SGCD: variants seen among roughly 807,000 people sequenced by gnomAD.
The protein encoded by SGCD is delta-sarcoglycan.
A neutral mutation model predicts 36.6 loss-of-function variants in SGCD; 18 were observed. The observed-to-expected ratio is 0.49, with a 90% CI of 0.34 to 0.73. The LOEUF (loss-of-function observed/expected upper bound fraction) is 0.73. SGCD is among the 30% of genes least tolerant of loss of function. The pLI is 0.01. For synonymous variants in SGCD, 133 were observed against 130.6 expected (o/e 1.02, Z -0.12); for missense variants, 387 against 346.7 (o/e 1.12, Z -0.92).
In SGCD at chr5:156,766,293, C is replaced by A. The variant is rs1169298134; in HGVS notation, c.*6903C>A. On this transcript the variant is annotated 3_prime_UTR_variant, in exon 9 of 9. Coordinates refer to ENST00000337851, the MANE Select transcript of SGCD (RefSeq NM_000337.6). ...CAAATAGAGGGAAGCTCATTTCTAT[C>A]ATTGTCTCTGTTTCCCTATAAGAAA... 4 of 151,988 alleles carry A rather than the reference C, an allele frequency of 2.6e-5. No individual in the cohort carries two copies. Among genetic ancestry groups the A allele is most frequent in the African/African-American group, 9.7e-5 (4 of 41,360 alleles). The allele number at this position is 151,988 out of a possible 1,614,324, so 9.4% of individuals were successfully genotyped here.
At chr5:156,321,312 C>G (rs751083742) in intron 3 of SGCD, among the ~76,000 whole-genome samples, 1 of 151,960 alleles carries the variant, frequency 6.6e-6, no homozygotes, top group African/African-American at 2.4e-5. Context: ...CCCAGCTACT[C>G]GGGAGGCTGA....
intron 1 of SGCD, among the ~76,000 whole-genome samples, chr5:155,881,363 G>C (rs891645168): frequency 1.5e-4 from 22 of 148,320 alleles, no homozygotes; most frequent in Non-Finnish European, 2.1e-4. Context: ...GAATGTTTTG[G>C]TTTCCCAGTG....
Position 155,905,125 on chromosome 5 carries a change from C to A in SGCD, c.-282+34701C>A, listed in dbSNP as rs6860253. Among the ~76,000 whole-genome samples, 317 of 152,256 alleles carry A rather than the reference C, an allele frequency of 2.1e-3. 2 individuals carry two copies. The highest frequency in any genetic ancestry group is 7.4e-3 in the African/African-American group (306 of 41,560). On this transcript the variant is annotated intron_variant, in intron 1 of 9. Transcript: ENST00000517913. ...GATCTGCAGAAGAAATGGGTGCTAC[C>A]AAGTCCCAGGCAAGATGTCTCTCGT...
At chr5:156,458,998 A>G (rs937955984) in intron 3 of SGCD, among the ~76,000 whole-genome samples, 1 of 152,330 alleles carries the variant, frequency 6.6e-6, no homozygotes, top group South Asian at 2.1e-4. Flanking sequence ...AGCCCTTTCA[A>G]AGAATATTGT....
At chr5:156,633,686 C>T (rs540654286) in intron 6 of SGCD, among the ~76,000 whole-genome samples, 4 of 152,274 alleles carry the variant, frequency 2.6e-5, no homozygotes, top group African/African-American at 9.6e-5. Flanking sequence ...GTTGATATGA[C>T]TTTTATTACC....
chr5:156,144,332 G>A (rs1762657906), intron 3 of SGCD, among the ~76,000 whole-genome samples: 1 of 152,056 alleles, frequency 6.6e-6, no homozygotes, highest in Non-Finnish European at 1.5e-5. Context: ...CACAATGGTT[G>A]AACTAGTTTA....
At chr5:156,451,047 C>T (rs943800763) in intron 3 of SGCD, among the ~76,000 whole-genome samples, 1 of 151,516 alleles carries the variant, frequency 6.6e-6, no homozygotes, top group Non-Finnish European at 1.5e-5. Context: ...TTCCATCTCT[C>T]CCCTCCCTTC....
intron 1 of SGCD, among the ~76,000 whole-genome samples, chr5:156,073,362 A>C (rs1224519322): frequency 6.6e-6 from 1 of 152,180 alleles, no homozygotes; most frequent in South Asian, 2.1e-4. Context: ...TTTCAAGACC[A>C]GCCTGGGCAA....
At position 156,726,309 on chromosome 5, in the gene SGCD, C is replaced by T. The variant is rs372704926; in HGVS notation, c.576-31272C>T. On this transcript the variant is annotated intron_variant, in intron 7 of 8. Transcript: ENST00000337851. ...CACGGGCATCTGGACATGTCCAAAACCTAACCCCTTAGCTTCTTCCCTGTT... is the reference window on the plus strand; with the variant it reads ...CACGGGCATCTGGACATGTCCAAAATCTAACCCCTTAGCTTCTTCCCTGTT... Among the ~76,000 whole-genome samples, 5 of 152,272 alleles carry T rather than the reference C, an allele frequency of 3.3e-5. No homozygotes were observed. In the South Asian group the frequency reaches 8.3e-4, roughly 25 times the overall value.
At position 156,598,638 on chromosome 5, in the gene SGCD, T is replaced by C. The variant is rs1009703510; in HGVS notation, c.502+3587T>C. Among the ~76,000 whole-genome samples the C allele has an allele frequency of 1.2e-4, 19 of 152,370 alleles. 1 individual carries two copies. The highest frequency in any genetic ancestry group is 4.1e-4 in the African/African-American group (17 of 41,596). ...GTGTTATCTCACACCCAGATCATTC[T>C]ATGCAAGTGAATTTGGCACTTCCTG... On this transcript the variant is annotated intron_variant, in intron 6 of 8. Coordinates refer to ENST00000337851, the MANE Select transcript of SGCD (RefSeq NM_000337.6).
intron 3 of SGCD, among the ~76,000 whole-genome samples, chr5:156,302,866 T>C (rs879723912): frequency 2.6e-5 from 4 of 152,116 alleles, no homozygotes; most frequent in Non-Finnish European, 5.9e-5. Context: ...GGGGGTGAGG[T>C]TATACAAGCA....
intron 3 of SGCD, among the ~76,000 whole-genome samples, chr5:156,247,007 C>G (rs1765456168): frequency 6.6e-6 from 1 of 152,132 alleles, no homozygotes; most frequent in African/African-American, 2.4e-5. Context: ...GACTTTAAGT[C>G]CTGGGGCACC....
chr5:156,075,421 A>G (rs538234556), intron 1 of SGCD, among the ~76,000 whole-genome samples: 10 of 152,330 alleles, frequency 6.6e-5, no homozygotes, highest in Non-Finnish European at 1.5e-4. Context: ...GATTATGGGT[A>G]GATGCACAGA....
At chr5:155,876,504 G>A (rs1277396196) in intron 1 of SGCD, among the ~76,000 whole-genome samples, 1 of 152,016 alleles carries the variant, frequency 6.6e-6, no homozygotes, top group African/African-American at 2.4e-5. Flanking sequence ...CACTTTGTGG[G>A]AAGGAGAATG....
At chr5:156,350,249 A>T (rs1241244779) in intron 3 of SGCD, among the ~76,000 whole-genome samples, 1 of 138,050 alleles carries the variant, frequency 7.2e-6, no homozygotes, top group Non-Finnish European at 1.6e-5. Context: ...AAAAAAAATT[A>T]TATATATATA....
chr5:156,122,843 TAAAAAAAAAAAAAA>T lies in SGCD; in HGVS notation c.-207-985_-207-972del, dbSNP rs33983852. ...ACCAGCATGGTAGTAAAAGATGTGGTAAAAAAAAAAAAAAAAAAAAAAAAAAAAAAAAAAAAAAA... is the reference window on the plus strand; with the variant it reads ...ACCAGCATGGTAGTAAAAGATGTGGTAAAAAAAAAAAAAAAAAAAAAAAAA... On this transcript the variant is annotated intron_variant, in intron 2 of 9. Transcript: ENST00000517913. Among the ~76,000 whole-genome samples the T allele has an allele frequency of 5.6e-3, 301 of 54,118 alleles. 2 individuals carry two copies. The highest frequency in any genetic ancestry group is 0.023 in the African/African-American group (284 of 12,304). The allele number at this position is 54,118 out of a possible 152,430, so 35.5% of individuals were successfully genotyped here.
intron 3 of SGCD, among the ~76,000 whole-genome samples, chr5:156,493,424 C>G (rs1756034023): frequency 6.6e-6 from 1 of 152,124 alleles, no homozygotes; most frequent in Admixed American, 6.6e-5. Flanking sequence ...GTAAAATGAG[C>G]CATCACAGCC....
At chr5:156,401,891 A>ATC (rs1416235357) in intron 3 of SGCD, among the ~76,000 whole-genome samples, 1 of 152,162 alleles carries the variant, frequency 6.6e-6, no homozygotes, top group East Asian at 1.9e-4. Context: ...AAACTTTTTC[A>ATC]TCATCTCAAG....
intron 3 of SGCD, among the ~76,000 whole-genome samples, chr5:156,182,510 G>A (rs1214131508): frequency 6.6e-6 from 1 of 152,152 alleles, no homozygotes; most frequent in South Asian, 2.1e-4. Context: ...AAGATCACTT[G>A]AGCCCAGTAT....
Sources: gnomAD v4.1 joint callset for allele counts (sites outside exome capture counted in the v4.1 genomes callset) on GRCh38, gnomAD v4.1.1 for gene constraint, MANE v1.5 for transcripts, NCBI Gene and HGNC (gene_info 2026-07-23, HGNC 2026-07-21) for gene names.